The following KANSL3 variants were observed in gnomAD, a reference collection of about 807,000 sequenced individuals.
KANSL3 encodes the protein KAT8 regulatory NSL complex subunit 3.
In KANSL3, 16 loss-of-function variants were observed where a neutral mutation model predicts 89.2. That is an observed-to-expected ratio of 0.18 (90% CI 0.12 to 0.27). The LOEUF is 0.27. KANSL3 is among the 10% of genes least tolerant of loss of function. The probability of loss-of-function intolerance (pLI) is 1.00; values close to 1 mark genes in which losing one functional copy is unlikely to be tolerated. For synonymous variants in KANSL3, 385 were observed against 419.7 expected (o/e 0.92, Z 1.01); for missense variants, 879 against 1,110.6 (o/e 0.79, Z 2.96).
chr2:96,615,365 T>C (rs1471628239), intron 5 of KANSL3: 3 of 262,282 alleles, frequency 1.1e-5, no homozygotes, highest in African/African-American at 2.3e-5. Flanking sequence ...TCTGTTATTA[T>C]GTACAAAAAT....
At chr2:96,591,650 C>CA (rs2104770134), downstream of KANSL3, among the ~76,000 whole-genome samples, 1 of 152,308 alleles carries the variant, frequency 6.6e-6, no homozygotes, top group South Asian at 2.1e-4. Flanking sequence ...CACATGACTT[C>CA]ATCTTCTGGA....
At chr2:96,607,109 G>C in intron 14 of KANSL3, 1 of 1,079,912 alleles carries the variant, frequency 9.3e-7, no homozygotes, top group South Asian at 1.3e-5. Context: ...AAAAAGAGAG[G>C]GAATAAGAAA....
chr2:96,625,490 C>T (rs2072120948), intron 3 of KANSL3, among the ~76,000 whole-genome samples: 1 of 152,132 alleles, frequency 6.6e-6, no homozygotes, highest in Non-Finnish European at 1.5e-5. Context: ...ACAGCATTTC[C>T]AAAATTATCC....
intron 20 of KANSL3, chr2:96,600,883 CAAAG>C (rs1342964506): frequency 7.1e-6 from 7 of 985,236 alleles, no homozygotes; most frequent in African/African-American, 3.5e-5. Flanking sequence ...AAGCCAATGT[CAAAG>C]AAAGAGTATT....
intron 5 of KANSL3, among the ~76,000 whole-genome samples, chr2:96,617,298 G>A (rs893637160): frequency 2.0e-5 from 3 of 152,090 alleles, no homozygotes; most frequent in Admixed American, 6.6e-5. Flanking sequence ...CCTGACACAC[G>A]TAGGGCCCAA....
At chr2:96,610,542 C>T (rs2068745293) in intron 11 of KANSL3, 184 bp downstream of exon 11, 3 of 540,380 alleles carry the variant, frequency 5.6e-6, no homozygotes, top group South Asian at 4.5e-5. Flanking sequence ...GTCTCAATCT[C>T]CTGACCTCGT....
At chr2:96,619,833 G>C in intron 3 of KANSL3, 71 bp from the exon 4 acceptor site, 6 of 1,192,976 alleles carry the variant, frequency 5.0e-6, no homozygotes, top group Non-Finnish European at 7.2e-6. Context: ...ACCATATAAA[G>C]AAGATTATGC....
chr2:96,595,613 AG>A lies in KANSL3; in HGVS notation c.2634del (p.Ter879GlufsTer5), dbSNP rs534171866. 176 of 1,613,778 alleles carry A rather than the reference AG, an allele frequency of 1.1e-4. 1 individual carries two copies. The African/African-American group carries it at 1.9e-3, about 18-fold the overall frequency. ...PSSSQRLPPA[P>X] Reference sequence around the variant, plus strand: ...GGAGGACATATCACACAGCATCTTCAGGGTGCTGGAGGCAGGCGCTGTGGCA... The same window carrying A: ...GGAGGACATATCACACAGCATCTTCAGGTGCTGGAGGCAGGCGCTGTGGCA... On this transcript the variant is annotated frameshift_variant, in exon 21 of 21. Transcript: ENST00000431828. LOFTEE classifies it high-confidence loss of function.
intron 20 of KANSL3, chr2:96,600,926 C>T (rs2104981686): frequency 1.0e-6 from 1 of 983,510 alleles, no homozygotes; most frequent in Non-Finnish European, 1.2e-6. Context: ...GGGAGGACCA[C>T]TTAAACCTTG....
At chr2:96,617,899 C>T (rs2070480012) in intron 5 of KANSL3, among the ~76,000 whole-genome samples, 1 of 150,934 alleles carries the variant, frequency 6.6e-6, no homozygotes, top group Non-Finnish European at 1.5e-5. Context: ...GGCAGAATTG[C>T]TTCAACCCAG....
At chr2:96,636,251 A>G (rs2074230940) in intron 2 of KANSL3, among the ~76,000 whole-genome samples, 1 of 152,260 alleles carries the variant, frequency 6.6e-6, no homozygotes, top group Non-Finnish European at 1.5e-5. Flanking sequence ...CACATCATGA[A>G]ACATAATTAG....
intron 9 of KANSL3, among the ~76,000 whole-genome samples, chr2:96,611,748 T>C (rs1297194903): frequency 6.6e-6 from 1 of 152,164 alleles, no homozygotes; most frequent in Non-Finnish European, 1.5e-5. Context: ...CTTGATGTCT[T>C]GGAAAAAGAC....
chr2:96,606,962 A>C, intron 14 of KANSL3: 3 of 1,282,886 alleles, frequency 2.3e-6, no homozygotes, highest in Non-Finnish European at 3.1e-6. Context: ...AGAAAGAGTA[A>C]TACTCACCAA....
chr2:96,613,359 A>C, intron 6 of KANSL3, 129 bp downstream of exon 6: 2 of 765,362 alleles, frequency 2.6e-6, no homozygotes, highest in East Asian at 6.4e-5. Context: ...TAACAGAGCA[A>C]GATTCTGTCT....
intron 6 of KANSL3, 46 bp from the exon 7 acceptor site, chr2:96,612,980 C>A: frequency 7.7e-7 from 1 of 1,306,016 alleles, no homozygotes. Context: ...TGAGAAGTGT[C>A]CTTTCATGAA....
the KANSL3 span, among the ~76,000 whole-genome samples, chr2:96,585,734 G>C: frequency 6.6e-6 from 1 of 150,858 alleles, no homozygotes; most frequent in East Asian, 1.9e-4. Flanking sequence ...CCAAAGAGTG[G>C]ATAAAAAAAA....
At chr2:96,591,265 T>C (rs1374755884), downstream of KANSL3, among the ~76,000 whole-genome samples, 1 of 152,174 alleles carries the variant, frequency 6.6e-6, no homozygotes, top group African/African-American at 2.4e-5. Flanking sequence ...CACTGTAAGA[T>C]TCTATTTATA....
At chr2:96,605,165 C>T (rs1270700804) in intron 15 of KANSL3, among the ~76,000 whole-genome samples, 155 bp downstream of exon 15, 1 of 152,232 alleles carries the variant, frequency 6.6e-6, no homozygotes, top group Admixed American at 6.5e-5. Context: ...TGGACTCATG[C>T]CAACTTTACC....
In KANSL3 at chr2:96,594,163, C is replaced by G. The variant is rs1386506777; in HGVS notation, c.*1448G>C. 3 of 152,204 alleles carry G rather than the reference C, an allele frequency of 2.0e-5. No individual in the cohort carries two copies. The highest frequency in any genetic ancestry group is 2.1e-4 in the South Asian group (1 of 4,824). The allele number at this position is 152,204 out of a possible 1,614,324, so 9.4% of individuals were successfully genotyped here. On this transcript the variant is annotated 3_prime_UTR_variant, in exon 21 of 21. Coordinates refer to ENST00000431828, the MANE Select transcript of KANSL3 (RefSeq NM_001115016.3). ...AGGCTCCCAGATTGAACACAGGTGACCTGGTATAGATACACACTGTACTGT... is the reference window on the plus strand; with the variant it reads ...AGGCTCCCAGATTGAACACAGGTGAGCTGGTATAGATACACACTGTACTGT...
Sources: gnomAD v4.1 joint callset for allele counts (sites outside exome capture counted in the v4.1 genomes callset) on GRCh38, gnomAD v4.1.1 for gene constraint, MANE v1.5 for transcripts, NCBI Gene and HGNC (gene_info 2026-07-23, HGNC 2026-07-21) for gene names.